Variants in DDR2 observed in about 807,000 individuals in gnomAD.
DDR2 encodes the protein discoidin domain receptor tyrosine kinase 2.
DDR2 carries 27 observed loss-of-function variants against 94.9 expected under a neutral mutation model. That is an observed-to-expected ratio of 0.28 (90% CI 0.21 to 0.39). The LOEUF is 0.39. Among genes scored for constraint, DDR2 ranks in the 10% least tolerant of loss-of-function variants. The pLI is 1.00. For missense variants in DDR2, 783 were observed against 1,076.0 expected, an observed-to-expected ratio of 0.73 and a Z score of 3.81; for synonymous variants, 382 against 377.2, an observed-to-expected ratio of 1.01 and a Z score of -0.15.
chr1:162,671,904 T>G (rs1321103136), intron 2 of DDR2, among the ~76,000 whole-genome samples: 1 of 152,204 alleles, frequency 6.6e-6, no homozygotes, highest in East Asian at 1.9e-4. Context: ...CACTCAGCCC[T>G]ACCCTGTCTA....
chr1:162,643,533 G>A (rs537196253), intron 1 of DDR2, among the ~76,000 whole-genome samples: 1 of 152,222 alleles, frequency 6.6e-6, no homozygotes, highest in South Asian at 2.1e-4. Flanking sequence ...CCAGGCTGGA[G>A]TGCAGAGGCT....
chr1:162,769,008 C>A (rs1039309354), intron 11 of DDR2, among the ~76,000 whole-genome samples: 4 of 152,194 alleles, frequency 2.6e-5, no homozygotes, highest in African/African-American at 9.7e-5. Flanking sequence ...ATGTGACCTT[C>A]TTAAATAGTC....
chr1:162,677,289 A>G (rs1052243765), intron 2 of DDR2, among the ~76,000 whole-genome samples: 3 of 152,150 alleles, frequency 2.0e-5, no homozygotes, highest in African/African-American at 7.2e-5. Context: ...CTGCTCTGTC[A>G]CTTGGTGGAA....
chr1:162,650,415 G>T (rs572067521), intron 1 of DDR2, among the ~76,000 whole-genome samples: 165 of 152,236 alleles, frequency 1.1e-3, no homozygotes, highest in African/African-American at 3.6e-3. Context: ...GGCCAACATG[G>T]TGAAAGCCCA....
chr1:162,763,981 A>G (rs1481917071), intron 9 of DDR2, among the ~76,000 whole-genome samples: 3 of 152,210 alleles, frequency 2.0e-5, no homozygotes, highest in African/African-American at 7.2e-5. Flanking sequence ...GAACATTAAG[A>G]TTTCTTAGCA....
chr1:162,685,275 T>G (rs1027909450), intron 2 of DDR2, among the ~76,000 whole-genome samples: 4 of 152,216 alleles, frequency 2.6e-5, no homozygotes. Flanking sequence ...CAGAAGTATC[T>G]GTGTTCTTTC....
At chr1:162,688,596 G>C (rs1256076925) in intron 2 of DDR2, among the ~76,000 whole-genome samples, 1 of 152,216 alleles carries the variant, frequency 6.6e-6, no homozygotes, top group Admixed American at 6.5e-5. Flanking sequence ...AGCTCTGCTA[G>C]TTGAAGAACA....
In DDR2 at chr1:162,776,297, G is replaced by A. The variant is rs2102199513; in HGVS notation, c.2210G>A (p.Ser737Asn). Residue 737 changes from serine to asparagine, a missense_variant, in exon 16 of 18, where the codon AGT (serine) becomes AAT (asparagine). By Grantham distance (46) the Ser-to-Asn change is conservative. Coordinates refer to ENST00000367921, the MANE Select transcript of DDR2 (RefSeq NM_006182.4). Reference sequence around the variant, plus strand: ...TTTGGAATGAGCAGGAACCTGTACAGTGGTGACTATTACCGGATCCAGGGC... The same window carrying A: ...TTTGGAATGAGCAGGAACCTGTACAATGGTGACTATTACCGGATCCAGGGC... ...ADFGMSRNLY[S>N]GDYYRIQGRA... 1 of 1,614,052 alleles carries A rather than the reference G, an allele frequency of 6.2e-7. No homozygotes were observed. Among genetic ancestry groups the A allele is most frequent in the Admixed American group, 1.7e-5 (1 of 60,002 alleles).
chr1:162,768,956 G>A (rs1395074123), intron 11 of DDR2, among the ~76,000 whole-genome samples: 1 of 152,224 alleles, frequency 6.6e-6, no homozygotes, highest in Non-Finnish European at 1.5e-5. Flanking sequence ...CAGAGTGAGG[G>A]TGGTGGTGAA....
intron 2 of DDR2, among the ~76,000 whole-genome samples, chr1:162,659,990 T>A (rs1244196092): frequency 1.2e-5 from 1 of 81,950 alleles, no homozygotes; most frequent in Non-Finnish European, 2.8e-5. Context: ...CCCCAAATTG[T>A]GGGCTGCAGG....
chr1:162,692,428 G>C (rs1277559184), intron 2 of DDR2, among the ~76,000 whole-genome samples: 1 of 152,108 alleles, frequency 6.6e-6, no homozygotes, highest in Non-Finnish European at 1.5e-5. Context: ...ACCAATCGAG[G>C]ATTTGTATTC....
chr1:162,755,437 C>T (rs1663411967), intron 6 of DDR2, 134 bp downstream of exon 6: 2 of 1,265,944 alleles, frequency 1.6e-6, no homozygotes, highest in African/African-American at 3.0e-5. Context: ...AGAATAGAGA[C>T]AGAAGCATTG....
At chr1:162,731,688 C>T (rs1662052152) in intron 3 of DDR2, among the ~76,000 whole-genome samples, 1 of 152,214 alleles carries the variant, frequency 6.6e-6, no homozygotes, top group African/African-American at 2.4e-5. Context: ...ATAGTTCTCT[C>T]TTCTCCTCTT....
chr1:162,756,115 A>G (rs1263107722), intron 7 of DDR2, among the ~76,000 whole-genome samples: 4 of 152,222 alleles, frequency 2.6e-5, no homozygotes, highest in African/African-American at 9.6e-5. Context: ...ACAAAGGGCC[A>G]GAGAATTGAA....
chr1:162,647,299 T>C (rs1293111568), intron 1 of DDR2, among the ~76,000 whole-genome samples: 2 of 152,186 alleles, frequency 1.3e-5, no homozygotes, highest in East Asian at 1.9e-4. Flanking sequence ...TTAAATGCAC[T>C]TGAGGCCCAG....
In DDR2 at chr1:162,673,594, TATGTGTGTGTGTGTGAGAGAGAGA is replaced by T. The variant is rs1293730584; in HGVS notation, c.-28+18221_-28+18244del. 8.2e-5 allele frequency among the ~76,000 whole-genome samples: 10 copies of T among 121,626 alleles called. No homozygotes were observed. In the South Asian group the frequency reaches 1.1e-3, roughly 14 times the overall value. 79.8% of individuals were successfully genotyped at this position (121,626 alleles called of 152,430 possible). A position where few individuals can be genotyped will look rare whatever the true frequency, so the allele number is the denominator to read the frequency against. ...GTCATTATGTGCGTGTGTGTGTGTG[TATGTGTGTGTGTGTGAGAGAGAGA>T]GAGAGAGAGAGAGAGAGAGAGAGAG... On this transcript the variant is annotated intron_variant, in intron 2 of 17. Coordinates refer to ENST00000367921, the MANE Select transcript of DDR2 (RefSeq NM_006182.4).
chr1:162,669,876 G>A (rs1658748888), intron 2 of DDR2, among the ~76,000 whole-genome samples: 1 of 152,188 alleles, frequency 6.6e-6, no homozygotes, highest in Non-Finnish European at 1.5e-5. Flanking sequence ...TTCTCTATGA[G>A]TGCATTAATG....
At chr1:162,646,068 A>G (rs552703370) in intron 1 of DDR2, among the ~76,000 whole-genome samples, 2 of 152,310 alleles carry the variant, frequency 1.3e-5, no homozygotes, top group East Asian at 3.9e-4. Flanking sequence ...AGTTTTCCCA[A>G]CATTTCCTCT....
At chr1:162,751,461 C>T (rs1340628340) in intron 3 of DDR2, among the ~76,000 whole-genome samples, 1 of 152,178 alleles carries the variant, frequency 6.6e-6, no homozygotes, top group Non-Finnish European at 1.5e-5. Flanking sequence ...CATCTCACAC[C>T]AGTTAGAATG....
Sources: allele counts gnomAD v4.1 joint callset (sites outside exome capture counted in the v4.1 genomes callset), GRCh38; gene constraint gnomAD v4.1.1; transcripts MANE v1.5; gene names NCBI Gene and HGNC (gene_info 2026-07-23, HGNC 2026-07-21).